Variants in DEGS2 observed in about 807,000 individuals in gnomAD.
DEGS2 encodes delta 4-desaturase, sphingolipid 2.
DEGS2 carries 19 observed loss-of-function variants against 23.8 expected under a neutral mutation model. That is an observed-to-expected ratio of 0.80 (90% CI 0.56 to 1.17). The LOEUF (loss-of-function observed/expected upper bound fraction) is 1.17, where lower values mean the gene tolerates loss of function less well. Ranked by LOEUF, DEGS2 falls within the 50% of genes most tolerant of loss-of-function variation. The pLI is 0.00. For missense variants in DEGS2, 390 were observed against 459.5 expected (o/e 0.85, Z 1.38); for synonymous variants, 218 against 213.7 (o/e 1.02, Z -0.18).
rs1314255680 is a variant in DEGS2 at position 100,146,598 on chromosome 14, C to T, written c.*163G>A. 7 of 1,035,600 alleles carry T rather than the reference C, an allele frequency of 6.8e-6. No individual in the cohort carries two copies. Among genetic ancestry groups the T allele is most frequent in the Middle Eastern group, 3.2e-4 (1 of 3,084 alleles). 64.2% of individuals were successfully genotyped at this position (1,035,600 alleles called of 1,614,324 possible). ...GGCAAGTCCACGTGCAGACGGAGCCCTGCAGCCCACACTGCTGTTGCCAGG... is the reference window on the plus strand; with the variant it reads ...GGCAAGTCCACGTGCAGACGGAGCCTTGCAGCCCACACTGCTGTTGCCAGG... On this transcript the variant is annotated 3_prime_UTR_variant, in exon 3 of 3. Coordinates refer to ENST00000305631, the MANE Select transcript of DEGS2 (RefSeq NM_206918.3).
In DEGS2 at chr14:100,146,925, G is replaced by T; in HGVS notation, c.826-18C>A. 6.2e-7 allele frequency: 1 copy of T among 1,606,002 alleles called. No homozygotes were observed. Among genetic ancestry groups the T allele is most frequent in the Non-Finnish European group, 8.5e-7 (1 of 1,176,114 alleles). ...TTCCGCACCTGTAGAGAGGAGGGCG[G>T]GGCTCAGGGGCTGGTTCTCCTCGGG... On this transcript the variant is annotated intron_variant, in intron 2 of 2. Transcript: ENST00000305631.
chr14:100,148,444 C>T (rs2140419454), intron 2 of DEGS2, among the ~76,000 whole-genome samples: 1 of 152,328 alleles, frequency 6.6e-6, no homozygotes, highest in South Asian at 2.1e-4. Context: ...CCTTCCCCTT[C>T]CTCCTTTCTC....
chr14:100,159,072 G>T (rs1222088969), intron 1 of DEGS2, among the ~76,000 whole-genome samples: 1 of 152,196 alleles, frequency 6.6e-6, no homozygotes, highest in East Asian at 1.9e-4. Context: ...AGACCCAGGG[G>T]CTCTGAGCGC....
intron 1 of DEGS2, among the ~76,000 whole-genome samples, chr14:100,152,465 A>T (rs1382203402): frequency 6.6e-6 from 1 of 152,160 alleles, no homozygotes; most frequent in Admixed American, 6.5e-5. Context: ...AGGCCCGCCC[A>T]CAATGTGGGC....
intron 1 of DEGS2, among the ~76,000 whole-genome samples, chr14:100,154,355 CAAAAA>C (rs5810980): frequency 6.5e-5 from 9 of 138,194 alleles, no homozygotes; most frequent in Admixed American, 1.4e-4. Flanking sequence ...CAAAGCGTCT[CAAAAA>C]AAAAAAAAAA....
At chr14:100,162,217 C>T (rs1201808114), upstream of DEGS2, among the ~76,000 whole-genome samples, 3 of 151,478 alleles carry the variant, frequency 2.0e-5, no homozygotes, top group Non-Finnish European at 4.4e-5. Context: ...GGCATGGTGG[C>T]GGGCACCTGT....
upstream of DEGS2, among the ~76,000 whole-genome samples, chr14:100,162,284 T>G (rs1419481340): frequency 6.6e-6 from 1 of 151,790 alleles, no homozygotes; most frequent in Non-Finnish European, 1.5e-5. Flanking sequence ...AGGCGGAGCT[T>G]GCAGTGAGCC....
At chr14:100,158,275 G>A (rs1889691132) in intron 1 of DEGS2, among the ~76,000 whole-genome samples, 1 of 152,136 alleles carries the variant, frequency 6.6e-6, no homozygotes, top group Non-Finnish European at 1.5e-5. Context: ...GCCGGGCATA[G>A]TGGTACACAC....
chr14:100,160,427 G>A (rs116432471), upstream of DEGS2, among the ~76,000 whole-genome samples: 1,851 of 152,330 alleles, frequency 0.012, 40 homozygotes, highest in African/African-American at 0.043. Context: ...ATTGGTGCTA[G>A]GGGGAACAGC....
In DEGS2 at chr14:100,149,169, G is replaced by T. The variant is rs750566609; in HGVS notation, c.624C>A (p.Pro208=). The change falls in exon 2 of 3, where the codon CCC becomes CCA. Residue 208 remains proline, a synonymous_variant. Transcript: ENST00000305631. ...LAIFALWGLK[P]VVYLLASSFL... is the part of the protein sequence containing the mutation. ...AGGAGCTGGCCAGCAGGTAGACCAC[G>T]GGCTTGAGCCCCCAAAGGGCAAAGA... The T allele has an allele frequency of 6.2e-7, 1 of 1,612,846 alleles. No homozygotes were observed.
upstream of DEGS2, among the ~76,000 whole-genome samples, chr14:100,162,277 C>T (rs957634176): frequency 6.6e-6 from 1 of 151,834 alleles, no homozygotes; most frequent in Non-Finnish European, 1.5e-5. Context: ...ACCCGGGAGG[C>T]GGAGCTTGCA....
At chr14:100,148,877 G>A (rs574380727) in intron 2 of DEGS2, 91 bp downstream of exon 2, 21 of 1,413,056 alleles carry the variant, frequency 1.5e-5, no homozygotes, top group Middle Eastern at 2.2e-4. Context: ...AGAGGCTGCT[G>A]GGCATGGCCC....
upstream of DEGS2, among the ~76,000 whole-genome samples, chr14:100,164,408 G>C (rs1889783902): frequency 1.3e-5 from 2 of 152,016 alleles, no homozygotes; most frequent in African/African-American, 4.8e-5. Context: ...GGCCGAGGCG[G>C]GTGGATTGCT....
At chr14:100,151,958 T>C (rs1889579226) in intron 1 of DEGS2, among the ~76,000 whole-genome samples, 1 of 152,106 alleles carries the variant, frequency 6.6e-6, no homozygotes, top group African/African-American at 2.4e-5. Flanking sequence ...GACCACGCCA[T>C]GCAGACTGGA....
At chr14:100,165,176 G>A in the DEGS2 span, among the ~76,000 whole-genome samples, 7 of 152,048 alleles carry the variant, frequency 4.6e-5, no homozygotes, top group African/African-American at 9.7e-5. Context: ...CACACTCAGG[G>A]CCAATATTCC....
rs1889374741 is a variant in DEGS2, at chr14:100,144,046, G to A, written c.*2715C>T. ...CCTAAGTCACCTGCTTCATTAGACG[G>A]TTTCCAGGTTTTCTCCCAGGTGACG... On this transcript the variant is annotated 3_prime_UTR_variant, in exon 3 of 3. Coordinates refer to ENST00000305631, the MANE Select transcript of DEGS2 (RefSeq NM_206918.3). 4.8e-6 allele frequency: 2 copies of A among 414,800 alleles called. No homozygotes were observed. Among genetic ancestry groups the A allele is most frequent in the South Asian group, 3.4e-5 (1 of 29,470 alleles). The allele number at this position is 414,800 out of a possible 1,614,324, so 25.7% of individuals were successfully genotyped here.
chr14:100,163,416 T>C (rs1889772324), upstream of DEGS2, among the ~76,000 whole-genome samples: 1 of 152,082 alleles, frequency 6.6e-6, no homozygotes, highest in South Asian at 2.1e-4. Flanking sequence ...CACTCCAGCC[T>C]GGGAGACAAG....
At chr14:100,152,296 G>A (rs532196137) in intron 1 of DEGS2, among the ~76,000 whole-genome samples, 10 of 150,448 alleles carry the variant, frequency 6.6e-5, no homozygotes, top group Non-Finnish European at 1.0e-4. Flanking sequence ...CAGGGTGGGC[G>A]TCATGGAGAT....
chr14:100,149,473 C>T lies in DEGS2; in HGVS notation c.320G>A (p.Trp107Ter), dbSNP rs1449206656. The change falls in exon 2 of 3, where the codon TGG becomes TAG. Residue 107 changes from tryptophan to a stop codon, truncating the protein, a stop_gained. Transcript: ENST00000305631. LOFTEE classifies it high-confidence loss of function. ...FGTGRAARNR[W>*]LAVFANLPVG... ...GGGCAGGTTGGCGAACACGGCCAGC[C>T]AGCGGTTGCGTGCCGCACGGCCCGT... 1.3e-6 allele frequency: 2 copies of T among 1,596,224 alleles called. No individual in the cohort carries two copies. The highest frequency in any genetic ancestry group is 1.7e-6 in the Non-Finnish European group (2 of 1,171,466).
Sources: gnomAD v4.1 joint callset for allele counts (sites outside exome capture counted in the v4.1 genomes callset) on GRCh38, gnomAD v4.1.1 for gene constraint, MANE v1.5 for transcripts, NCBI Gene and HGNC (gene_info 2026-07-23, HGNC 2026-07-21) for gene names.